CTNNA3: variants seen among roughly 807,000 people sequenced by gnomAD.
CTNNA3 encodes catenin alpha-3.
CTNNA3 carries 76 observed loss-of-function variants against 95.7 expected under a neutral mutation model. The observed-to-expected ratio is 0.79, with a 90% confidence interval of 0.66 to 0.96. The LOEUF (loss-of-function observed/expected upper bound fraction) is 0.96. Ranked by LOEUF, CTNNA3 falls within the 40% of genes least tolerant of loss-of-function variation. The pLI, the probability that CTNNA3 is intolerant of heterozygous loss-of-function variation, is 0.00. For missense variants in CTNNA3, 1,191 were observed against 1,089.8 expected (o/e 1.09, Z -1.31); for synonymous variants, 431 against 374.4 (o/e 1.15, Z -1.74).
At chr10:66,772,563 C>T (rs1222343762) in intron 8 of CTNNA3, among the ~76,000 whole-genome samples, 2 of 152,110 alleles carry the variant, frequency 1.3e-5, no homozygotes, top group African/African-American at 4.8e-5. Flanking sequence ...AGGGCCAAAT[C>T]ACAGAGAACC....
At chr10:66,081,507 C>T (rs556029968) in intron 14 of CTNNA3, among the ~76,000 whole-genome samples, 8 of 151,366 alleles carry the variant, frequency 5.3e-5, no homozygotes, top group Non-Finnish European at 1.0e-4. Flanking sequence ...CTTTCAATAC[C>T]AAAAAAACAC....
At chr10:66,022,481 T>C (rs2079239580) in intron 15 of CTNNA3, among the ~76,000 whole-genome samples, 1 of 152,104 alleles carries the variant, frequency 6.6e-6, no homozygotes, top group Admixed American at 6.5e-5. Context: ...TTCCATGACC[T>C]GAGATGCATT....
At chr10:67,446,683 A>G (rs1257700413) in intron 5 of CTNNA3, among the ~76,000 whole-genome samples, 3 of 152,166 alleles carry the variant, frequency 2.0e-5, no homozygotes, top group African/African-American at 7.2e-5. Context: ...TGACCAAGGA[A>G]TGTCTTTCTC....
At chr10:65,945,433 G>T (rs1197153865) in intron 17 of CTNNA3, among the ~76,000 whole-genome samples, 2 of 152,158 alleles carry the variant, frequency 1.3e-5, no homozygotes, top group African/African-American at 2.4e-5. Context: ...TAGGAGCAAT[G>T]GTTCTGAACT....
At chr10:66,926,926 A>C (rs1243976598) in intron 7 of CTNNA3, 1 of 1,559,780 alleles carries the variant, frequency 6.4e-7, no homozygotes, top group African/African-American at 1.4e-5. Flanking sequence ...TCCAGGTTTC[A>C]ATGTAATTAG....
At chr10:67,151,788 T>C (rs368949124) in intron 7 of CTNNA3, among the ~76,000 whole-genome samples, 71 of 152,244 alleles carry the variant, frequency 4.7e-4, no homozygotes, top group Admixed American at 9.2e-4. Flanking sequence ...AAATAAAACT[T>C]GGTGTTCGAA....
chr10:67,289,104 A>T (rs1377769294), intron 5 of CTNNA3, among the ~76,000 whole-genome samples: 3 of 152,172 alleles, frequency 2.0e-5, no homozygotes, highest in Admixed American at 2.0e-4. Context: ...ATAATTACTA[A>T]ACTTTGTTTT....
At chr10:67,006,028 C>G (rs1350721739) in intron 7 of CTNNA3, among the ~76,000 whole-genome samples, 1 of 151,882 alleles carries the variant, frequency 6.6e-6, no homozygotes, top group Non-Finnish European at 1.5e-5. Flanking sequence ...AATTATTCAG[C>G]ATCTTATCTC....
intron 7 of CTNNA3, among the ~76,000 whole-genome samples, chr10:66,829,390 C>A (rs984595828): frequency 3.3e-5 from 5 of 152,052 alleles, no homozygotes; most frequent in African/African-American, 1.2e-4. Context: ...GTGGGCAGAT[C>A]ACTTTAGGTC....
intron 5 of CTNNA3, among the ~76,000 whole-genome samples, chr10:67,388,781 C>T (rs1478267234): frequency 2.8e-4 from 42 of 152,140 alleles, no homozygotes; most frequent in Non-Finnish European, 2.9e-5. Flanking sequence ...AAAGAATTTT[C>T]AACCCAGAAT....
chr10:66,688,165 A>T (rs1847371330), intron 9 of CTNNA3, among the ~76,000 whole-genome samples: 1 of 152,154 alleles, frequency 6.6e-6, no homozygotes, highest in South Asian at 2.1e-4. Context: ...ATGGCAGGAG[A>T]GTATAAAAGA....
At chr10:66,024,084 C>CCTTTT (rs1183185763) in intron 15 of CTNNA3, among the ~76,000 whole-genome samples, 2 of 62,680 alleles carry the variant, frequency 3.2e-5, no homozygotes, top group African/African-American at 5.1e-5. Flanking sequence ...ATACCATACA[C>CCTTTT]ATTTTTTTTT....
Position 66,103,349 on chromosome 10 carries a change from C to T in CTNNA3, c.1885-100G>A, listed in dbSNP as rs573567664. ...CTTAAAAGGGTAATCATAAAGTTAC[C>T]ATATGACCCAGCAATTTCACTCCCA... is the stretch of plus-strand genomic sequence containing the variant. On this transcript the variant is annotated intron_variant, in intron 13 of 17. Transcript: ENST00000433211. 6.2e-4 allele frequency: 543 copies of T among 869,248 alleles called. 2 individuals are homozygous for T. Among genetic ancestry groups the T allele is most frequent in the Non-Finnish European group, 9.4e-4 (497 of 529,526 alleles). The allele number at this position is 869,248 out of a possible 1,614,324, so 53.8% of individuals were successfully genotyped here.
At chr10:66,932,605 A>G (rs1292222710) in intron 7 of CTNNA3, among the ~76,000 whole-genome samples, 4 of 152,204 alleles carry the variant, frequency 2.6e-5, no homozygotes, top group Non-Finnish European at 5.9e-5. Flanking sequence ...ACAACAGAAT[A>G]TATAGGTAAA....
intron 9 of CTNNA3, among the ~76,000 whole-genome samples, chr10:66,748,505 A>G (rs951689911): frequency 6.6e-6 from 1 of 152,154 alleles, no homozygotes; most frequent in Non-Finnish European, 1.5e-5. Context: ...TCTATGTTTA[A>G]ACAAAAATGC....
chr10:66,450,894 A>G (rs117742022), intron 11 of CTNNA3, among the ~76,000 whole-genome samples: 2,229 of 152,282 alleles, frequency 0.015, 27 homozygotes, highest in Non-Finnish European at 0.026. Flanking sequence ...TTTTGAAGAT[A>G]AAGTAACATA....
At chr10:67,692,032 C>T (rs1190734820) in intron 1 of CTNNA3, among the ~76,000 whole-genome samples, 1 of 147,160 alleles carries the variant, frequency 6.8e-6, no homozygotes, top group Non-Finnish European at 1.5e-5. Context: ...TGAGGAGCCC[C>T]TCTGCCCGGC....
intron 7 of CTNNA3, among the ~76,000 whole-genome samples, chr10:66,820,664 T>G (rs868459205): frequency 6.6e-6 from 1 of 150,734 alleles, no homozygotes. Context: ...AAAAAAATTG[T>G]CCATGTTAGT....
chr10:67,591,966 G>A (rs1440267504), intron 3 of CTNNA3, among the ~76,000 whole-genome samples: 1 of 152,096 alleles, frequency 6.6e-6, no homozygotes, highest in Non-Finnish European at 1.5e-5. Flanking sequence ...TTCAAGCAAA[G>A]GAAAGTCTAA....
Sources: gnomAD v4.1 joint callset for allele counts (sites outside exome capture counted in the v4.1 genomes callset) on GRCh38, gnomAD v4.1.1 for gene constraint, MANE v1.5 for transcripts, NCBI Gene and HGNC (gene_info 2026-07-23, HGNC 2026-07-21) for gene names.